FADS6: variants seen among roughly 807,000 people sequenced by gnomAD.
FADS6 encodes fatty acid desaturase 6.
FADS6 carries 28 observed loss-of-function variants against 31.7 expected under a neutral mutation model. That is an observed-to-expected ratio of 0.88 (90% CI 0.66 to 1.21). FADS6 has a LOEUF of 1.21. Among genes scored for constraint, FADS6 ranks in the 50% most tolerant of loss-of-function variants. The probability of loss-of-function intolerance (pLI) is 0.00; values close to 1 mark genes in which losing one functional copy is unlikely to be tolerated. For synonymous variants in FADS6, 191 were observed against 213.1 expected (o/e 0.90, Z 0.90); for missense variants, 494 against 504.2 (o/e 0.98, Z 0.19).
rs989753822 is a variant in FADS6, at chr17:74,889,016, A to C, written c.411+3507T>G. On this transcript the variant is annotated intron_variant, in intron 2 of 5. Transcript: ENST00000612771. ...CAGGAGAGAAGGTCAGGGTTAGGCT[A>C]CCAGGAGGGATAGAACTTTCCTATG... is the stretch of plus-strand genomic sequence containing the variant. 4.7e-4 allele frequency among the ~76,000 whole-genome samples: 71 copies of C among 152,290 alleles called. 1 individual carries two copies. The highest frequency in any genetic ancestry group is 1.6e-3 in the African/African-American group (65 of 41,562).
chr17:74,879,273 G>A, intron 5 of FADS6, 131 bp downstream of exon 5: 1 of 1,154,292 alleles, frequency 8.7e-7, no homozygotes, highest in East Asian at 2.7e-5. Context: ...CTGGGCTCAA[G>A]CAATCTGCCC....
At position 74,882,643 on chromosome 17, in the gene FADS6, T is replaced by C. The variant is rs777568064; in HGVS notation, c.479A>G (p.Asn160Ser). The C allele has an allele frequency of 3.1e-6, 5 of 1,611,568 alleles. No individual in the cohort carries two copies. In the Admixed American group the frequency reaches 6.7e-5, roughly 22 times the overall value. Residue 160 changes from asparagine (N) to serine (S), a missense_variant, in exon 3 of 6, where the codon AAC (asparagine) becomes AGC (serine). Asn to Ser is a conservative substitution (Grantham distance 46). Transcript: ENST00000612771. ...GCTGGAGTCCCCCAGGCCCACCACGTTGGTGTAGGCATGGTGCATCTTGAC... is the reference window on the plus strand; with the variant it reads ...GCTGGAGTCCCCCAGGCCCACCACGCTGGTGTAGGCATGGTGCATCTTGAC... ...GHVKMHHAYTNVVGLGDSSTW... is the reference protein window; with the variant it reads ...GHVKMHHAYTSVVGLGDSSTW...
At chr17:74,882,229 C>G (rs906863074) in intron 3 of FADS6, among the ~76,000 whole-genome samples, 1 of 152,216 alleles carries the variant, frequency 6.6e-6, no homozygotes, top group Non-Finnish European at 1.5e-5. Flanking sequence ...AGCCACCACA[C>G]GCAGACCCTG....
chr17:74,885,438 C>T lies in FADS6; in HGVS notation c.412-2728G>A, dbSNP rs1413269387. Among the ~76,000 whole-genome samples, 12 of 152,140 alleles carry T rather than the reference C, an allele frequency of 7.9e-5. No homozygotes were observed. In the South Asian group the frequency reaches 1.5e-3, roughly 18 times the overall value. ...CTGAGGTCCATGGAGCCCCAGAAGC[C>T]CCCAGCATTCTGAAGCCAGATGTGA... On this transcript the variant is annotated intron_variant, in intron 2 of 5. Coordinates refer to ENST00000612771, the MANE Select transcript of FADS6 (RefSeq NM_178128.6).
chr17:74,893,171 C>G (rs1374993072), intron 1 of FADS6, among the ~76,000 whole-genome samples, 181 bp downstream of exon 1: 1 of 149,868 alleles, frequency 6.7e-6, no homozygotes, highest in African/African-American at 2.5e-5. Flanking sequence ...CTCTCAGGTT[C>G]GGGGTGTGAC....
In FADS6 at chr17:74,877,688, C is replaced by G. The variant is rs193179957; in HGVS notation, c.*643G>C. ...CCTGGGGAACCTTCTCCCCTCACTT[C>G]CCCTGGAGTTCCCTCCCGACAAAAC... is the stretch of plus-strand genomic sequence containing the variant. On this transcript the variant is annotated 3_prime_UTR_variant, in exon 6 of 6. Transcript: ENST00000612771. The G allele has an allele frequency of 9.1e-6, 9 of 985,366 alleles. No homozygotes were observed. Among genetic ancestry groups the G allele is most frequent in the Non-Finnish European group, 1.2e-6 (1 of 829,948 alleles). The allele number at this position is 985,366 out of a possible 1,614,324, so 61.0% of individuals were successfully genotyped here.
intron 4 of FADS6, 53 bp downstream of exon 4, chr17:74,881,015 C>G: frequency 1.3e-6 from 2 of 1,541,370 alleles, no homozygotes; most frequent in Non-Finnish European, 1.8e-6. Flanking sequence ...GATCAGGGCC[C>G]CTGGAGAATG....
intron 4 of FADS6, 82 bp from the exon 5 acceptor site, chr17:74,879,665 G>C (rs1205894627): frequency 6.9e-7 from 1 of 1,443,712 alleles, no homozygotes; most frequent in African/African-American, 1.4e-5. Flanking sequence ...ATGCTACCCA[G>C]AGGGTTCTTG....
chr17:74,879,412 A>T lies in FADS6; in HGVS notation c.952T>A (p.Cys318Ser). Residue 318 changes from cysteine (C) to serine (S), a missense_variant, in exon 5 of 6, where the codon TGC (cysteine) becomes AGC (serine). By Grantham distance (112) the Cys-to-Ser change is moderately radical. Around this residue, in one of 2 missense-constraint regions of FADS6, gnomAD observed 454 missense variants for 438.5 expected, o/e 1.04. Coordinates refer to ENST00000612771, the MANE Select transcript of FADS6 (RefSeq NM_178128.6). ...HLFPRLSDNM[C>S]LKVKPVVSQF... Reference sequence around the variant, plus strand: ...GCCCAGCCCTCGACTACCTTCAGGCACATGTTATCAGAGAGCCTGGGGAAT... The same window carrying T: ...GCCCAGCCCTCGACTACCTTCAGGCTCATGTTATCAGAGAGCCTGGGGAAT... The T allele has an allele frequency of 6.2e-7, 1 of 1,613,724 alleles. No homozygotes were observed. The highest frequency in any genetic ancestry group is 8.5e-7 in the Non-Finnish European group (1 of 1,179,778).
chr17:74,878,078 C>T lies in FADS6; in HGVS notation c.*253G>A. 1 of 1,301,266 alleles carries T rather than the reference C, an allele frequency of 7.7e-7. No individual in the cohort carries two copies. Among genetic ancestry groups the T allele is most frequent in the Non-Finnish European group, 9.8e-7 (1 of 1,023,150 alleles). The allele number at this position is 1,301,266 out of a possible 1,614,324, so 80.6% of individuals were successfully genotyped here. On this transcript the variant is annotated 3_prime_UTR_variant, in exon 6 of 6. Coordinates refer to ENST00000612771, the MANE Select transcript of FADS6 (RefSeq NM_178128.6). ...GCTCTTTAGTCCTGAGATGAAGTTG[C>T]TGAGGTCCAGACTGACCAGAATGCA...
intron 2 of FADS6, among the ~76,000 whole-genome samples, chr17:74,887,980 C>T (rs2038641628): frequency 6.6e-6 from 1 of 152,130 alleles, no homozygotes; most frequent in African/African-American, 2.4e-5. Flanking sequence ...GCCACTGCGC[C>T]CAGCCAGGGT....
At chr17:74,884,373 C>CA (rs1335048105) in intron 2 of FADS6, among the ~76,000 whole-genome samples, 10 of 152,262 alleles carry the variant, frequency 6.6e-5, no homozygotes, top group East Asian at 3.9e-4. Flanking sequence ...TTCAGATAAA[C>CA]AAAAAATACG....
intron 2 of FADS6, among the ~76,000 whole-genome samples, chr17:74,891,102 T>G (rs2038683320): frequency 6.7e-6 from 1 of 148,494 alleles, no homozygotes; most frequent in South Asian, 2.1e-4. Flanking sequence ...GTACAGCTTT[T>G]TTCTTTTTGA....
At chr17:74,887,908 T>G (rs1016728900) in intron 2 of FADS6, among the ~76,000 whole-genome samples, 2 of 152,066 alleles carry the variant, frequency 1.3e-5, no homozygotes, top group African/African-American at 4.8e-5. Context: ...GGATGGTCTC[T>G]ATCTCCTGAC....
chr17:74,884,839 C>G (rs1251076818), intron 2 of FADS6, among the ~76,000 whole-genome samples: 1 of 152,098 alleles, frequency 6.6e-6, no homozygotes, highest in African/African-American at 2.4e-5. Context: ...TCCTGAGTAG[C>G]TGGGATTATA....
chr17:74,884,491 G>A (rs1313372423), intron 2 of FADS6, among the ~76,000 whole-genome samples: 3 of 152,244 alleles, frequency 2.0e-5, no homozygotes, highest in Non-Finnish European at 2.9e-5. Flanking sequence ...CTGAGGCTGG[G>A]TAGTTTGTAA....
At chr17:74,879,823 C>G (rs1192208083) in intron 4 of FADS6, among the ~76,000 whole-genome samples, 1 of 152,218 alleles carries the variant, frequency 6.6e-6, no homozygotes, top group African/African-American at 2.4e-5. Flanking sequence ...CTGCACACCT[C>G]TCAGGTCCCA....
At chr17:74,878,635 T>C (rs1488561507) in intron 5 of FADS6, among the ~76,000 whole-genome samples, 158 bp from the exon 6 acceptor site, 2 of 152,196 alleles carry the variant, frequency 1.3e-5, no homozygotes, top group Admixed American at 6.5e-5. Flanking sequence ...GTCAGAGAAT[T>C]CTTGTCCCTA....
Position 74,893,050 on chromosome 17 carries a change from G to C in FADS6, c.244+302C>G, listed in dbSNP as rs910559239. Among the ~76,000 whole-genome samples the C allele has an allele frequency of 4.6e-5, 7 of 151,658 alleles. No homozygotes were observed. The East Asian group carries it at 9.7e-4, about 21-fold the overall frequency. ...GAACACCGTCTCCCTTCCCGGGGGT[G>C]GGGGGGCACCTCATCACTCCCGGCC... On this transcript the variant is annotated intron_variant, in intron 1 of 5. Transcript: ENST00000612771.
Sources: gnomAD v4.1 joint callset for allele counts (sites outside exome capture counted in the v4.1 genomes callset) on GRCh38, gnomAD v4.1.1 for gene constraint, gnomAD v4.1.1 regional missense constraint, MANE v1.5 for transcripts, NCBI Gene and HGNC (gene_info 2026-07-23, HGNC 2026-07-21) for gene names.